RRP1: variants seen among roughly 807,000 people sequenced by gnomAD.
The protein encoded by RRP1 is ribosomal RNA processing 1, also known as ribosomal RNA processing protein 1 homolog A.
A neutral mutation model predicts 54.6 loss-of-function variants in RRP1; 37 were observed. The observed-to-expected ratio is 0.68, with a 90% confidence interval of 0.52 to 0.89. The LOEUF (loss-of-function observed/expected upper bound fraction) is 0.89, where lower values mean the gene tolerates loss of function less well. Among genes scored for constraint, RRP1 ranks in the 40% least tolerant of loss-of-function variants. The pLI, the probability that RRP1 is intolerant of heterozygous loss-of-function variation, is 0.00. For synonymous variants in RRP1, 262 were observed against 244.3 expected (o/e 1.07, Z -0.67); for missense variants, 639 against 612.5 (o/e 1.04, Z -0.46).
intron 1 of RRP1, chr21:43,791,119 T>G: frequency 1.6e-6 from 1 of 611,538 alleles, no homozygotes; most frequent in East Asian, 3.4e-5. Flanking sequence ...TCTCAGTCGG[T>G]TTTACTGTGT....
chr21:43,800,454 A>T, intron 9 of RRP1, 63 bp from the exon 10 acceptor site: 1 of 1,521,938 alleles, frequency 6.6e-7, no homozygotes, highest in Non-Finnish European at 9.1e-7. Flanking sequence ...CAGGGGTTCC[A>T]CGTTCTCGGA....
intron 3 of RRP1, chr21:43,793,091 G>A: frequency 3.5e-6 from 2 of 567,674 alleles, no homozygotes; most frequent in African/African-American, 1.9e-5. Flanking sequence ...GGTGACCGGA[G>A]TTGAGAAGTT....
In RRP1 at chr21:43,804,190, G is replaced by C. The variant is rs2085121742; in HGVS notation, c.*416G>C. 5.8e-6 allele frequency: 1 copy of C among 172,110 alleles called. No individual in the cohort carries two copies. The highest frequency in any genetic ancestry group is 1.2e-5 in the Non-Finnish European group (1 of 81,738). The allele number at this position is 172,110 out of a possible 1,614,324, so 10.7% of individuals were successfully genotyped here. A position where few individuals can be genotyped will look rare whatever the true frequency, so the allele number is the denominator to read the frequency against. Reference sequence around the variant, plus strand: ...AGTGTGGTGGTTTATATTCATGTTTGTGGAAAAATCTTGCAAGACATTTCT... The same window carrying C: ...AGTGTGGTGGTTTATATTCATGTTTCTGGAAAAATCTTGCAAGACATTTCT... On this transcript the variant is annotated 3_prime_UTR_variant, in exon 13 of 13. Coordinates refer to ENST00000497547, the MANE Select transcript of RRP1 (RefSeq NM_003683.6). The surrounding 1 kb of genome is among the most constrained non-coding windows in gnomAD (Gnocchi z 4.3).
At chr21:43,794,627 G>C (rs746847118) in intron 4 of RRP1, among the ~76,000 whole-genome samples, 15 of 152,166 alleles carry the variant, frequency 9.9e-5, no homozygotes, top group Non-Finnish European at 2.1e-4. Context: ...TAGCCTAAAG[G>C]GGGGACAACT....
intron 1 of RRP1, chr21:43,790,914 A>G (rs1025153567): frequency 2.2e-6 from 1 of 445,048 alleles, no homozygotes; most frequent in Non-Finnish European, 4.5e-6. Context: ...TTTCTCTCGT[A>G]GTCTGAATGC....
chr21:43,791,153 G>GTAGCCGCA, intron 1 of RRP1, 197 bp from the exon 2 acceptor site: 1 of 651,478 alleles, frequency 1.5e-6, no homozygotes, highest in Non-Finnish European at 2.8e-6. Flanking sequence ...GTTACCTGGA[G>GTAGCCGCA]TAGCCGCATA....
At chr21:43,790,019 G>A (rs2084940524) in intron 1 of RRP1, among the ~76,000 whole-genome samples, 1 of 152,224 alleles carries the variant, frequency 6.6e-6, no homozygotes, top group South Asian at 2.1e-4. Context: ...TCCTAGCTCA[G>A]GCGTCCCCTC....
Position 43,803,766 on chromosome 21 carries a change from A to G in RRP1, c.1378A>G (p.Arg460Gly). Residue 460 changes from arginine (R) to glycine (G), a missense_variant, in exon 13 of 13, where the codon AGG (arginine) becomes GGG (glycine). Arg to Gly is a moderately radical substitution (Grantham distance 125). Coordinates refer to ENST00000497547, the MANE Select transcript of RRP1 (RefSeq NM_003683.6). ...GGAGCCGGAGAAGAAGAAGAAACGCAGGGAGTGATGTGGCCGGGCCAAGGA... is the reference window on the plus strand; with the variant it reads ...GGAGCCGGAGAAGAAGAAGAAACGCGGGGAGTGATGTGGCCGGGCCAAGGA... ...VQEPEKKKKR[R>G]E is the part of the protein sequence containing the mutation. 3 of 1,581,858 alleles carry G rather than the reference A, an allele frequency of 1.9e-6. No homozygotes were observed. Among genetic ancestry groups the G allele is most frequent in the Non-Finnish European group, 2.6e-6 (3 of 1,162,066 alleles).
In RRP1 at chr21:43,803,965, C is replaced by A; in HGVS notation, c.*191C>A. 3.0e-6 allele frequency: 2 copies of A among 668,312 alleles called. No individual in the cohort carries two copies. Among genetic ancestry groups the A allele is most frequent in the Non-Finnish European group, 4.8e-6 (2 of 419,778 alleles). 41.4% of individuals were successfully genotyped at this position (668,312 alleles called of 1,614,324 possible). A position where few individuals can be genotyped will look rare whatever the true frequency, so the allele number is the denominator to read the frequency against. On this transcript the variant is annotated 3_prime_UTR_variant, in exon 13 of 13. Coordinates refer to ENST00000497547, the MANE Select transcript of RRP1 (RefSeq NM_003683.6). ...GCATCCCAGGAACTGGACCTTTCCC[C>A]AGAGCCTCCGCCTGTGGCTGTGATG...
intron 7 of RRP1, 83 bp downstream of exon 7, chr21:43,797,778 C>T (rs982699729): frequency 4.1e-5 from 65 of 1,580,966 alleles, no homozygotes; most frequent in Non-Finnish European, 5.1e-5. Context: ...GCTGCTCCCT[C>T]GAGGGATGAA....
intron 11 of RRP1, 133 bp downstream of exon 11, chr21:43,801,014 G>T: frequency 7.1e-6 from 7 of 988,864 alleles, no homozygotes; most frequent in Non-Finnish European, 1.1e-5. Context: ...TGTTTCTGAG[G>T]GACAGGGAGG....
intron 3 of RRP1, 82 bp from the exon 4 acceptor site, chr21:43,793,237 G>A (rs1467759265): frequency 2.8e-5 from 34 of 1,203,002 alleles, no homozygotes; most frequent in Non-Finnish European, 3.8e-5. Flanking sequence ...TGTAAAGAAC[G>A]GGTTCCTCCA....
At chr21:43,800,777 G>A in intron 10 of RRP1, 85 bp from the exon 11 acceptor site, 1 of 1,593,004 alleles carries the variant, frequency 6.3e-7, no homozygotes, top group Non-Finnish European at 8.6e-7. Flanking sequence ...CCCCTGGCTA[G>A]GAACCTGCAG....
intron 8 of RRP1, 39 bp downstream of exon 8, chr21:43,798,139 G>C: frequency 6.5e-7 from 1 of 1,539,552 alleles, no homozygotes; most frequent in Non-Finnish European, 8.8e-7. Flanking sequence ...CTCGGGGCCT[G>C]TCCTGGGCTG....
chr21:43,799,600 G>A lies in RRP1; in HGVS notation c.842G>A (p.Gly281Asp), dbSNP rs544862341. 6.2e-7 allele frequency: 1 copy of A among 1,612,338 alleles called. No individual in the cohort carries two copies. The highest frequency in any genetic ancestry group is 1.3e-5 in the African/African-American group (1 of 75,022). ...GSICRAEPEA[G>D]EEQAGDDRDS... ...ATCTGCAGGGCTGAACCTGAGGCTG[G>A]TGAGGAGCAGGCAGGTGACGACAGG... The change falls in exon 9 of 13, where the codon GGT becomes GAT. Residue 281 changes from glycine to aspartate, a missense_variant. Transcript: ENST00000497547.
At chr21:43,796,876 C>T (rs763880900) in intron 5 of RRP1, among the ~76,000 whole-genome samples, 1 of 152,188 alleles carries the variant, frequency 6.6e-6, no homozygotes, top group African/African-American at 2.4e-5. Flanking sequence ...TGCCATCAAA[C>T]CCGCCTGCCA....
chr21:43,794,934 A>G (rs995044476), intron 4 of RRP1, among the ~76,000 whole-genome samples: 3 of 151,670 alleles, frequency 2.0e-5, no homozygotes, highest in East Asian at 1.9e-4. Flanking sequence ...CCGACCCCCC[A>G]TGCACCTGCT....
intron 3 of RRP1, 148 bp downstream of exon 3, chr21:43,792,877 T>C (rs2084974857): frequency 1.3e-6 from 1 of 779,648 alleles, no homozygotes; most frequent in Non-Finnish European, 2.2e-6. Context: ...CTGTGGGTGC[T>C]TAGCATGTGT....
chr21:43,794,625 A>T (rs988146445), intron 4 of RRP1, among the ~76,000 whole-genome samples: 1 of 152,172 alleles, frequency 6.6e-6, no homozygotes, highest in Non-Finnish European at 1.5e-5. Flanking sequence ...AGTAGCCTAA[A>T]GGGGGGACAA....
Sources: gnomAD v4.1 joint callset for allele counts (sites outside exome capture counted in the v4.1 genomes callset) on GRCh38, gnomAD v4.1.1 for gene constraint, Gnocchi (gnomAD v3.1) non-coding constraint, MANE v1.5 for transcripts, NCBI Gene and HGNC (gene_info 2026-07-23, HGNC 2026-07-21) for gene names.